LRP5: variants seen among roughly 807,000 people sequenced by gnomAD.
LRP5 encodes LDL receptor related protein 5.
LRP5 carries 62 observed loss-of-function variants against 154.1 expected under a neutral mutation model. That is an observed-to-expected ratio of 0.40 (90% CI 0.33 to 0.50). LRP5 has a LOEUF of 0.50. LRP5 is among the 20% of genes least tolerant of loss of function. LRP5 has a pLI of 0.55. For synonymous variants in LRP5, 966 were observed against 1,011.5 expected, an observed-to-expected ratio of 0.96 and a Z score of 0.85; for missense variants, 1,915 against 2,336.7, an observed-to-expected ratio of 0.82 and a Z score of 3.72.
intron 7 of LRP5, among the ~76,000 whole-genome samples, chr11:68,400,171 C>T (rs543674159): frequency 1.2e-3 from 177 of 152,214 alleles, no homozygotes; most frequent in African/African-American, 4.0e-3. Flanking sequence ...AACAGCCCGT[C>T]GCCTCCTCTC....
At chr11:68,332,073 C>T (rs372761223) in intron 1 of LRP5, among the ~76,000 whole-genome samples, 5 of 152,092 alleles carry the variant, frequency 3.3e-5, no homozygotes, top group South Asian at 2.1e-4. Context: ...TCTCCCCACC[C>T]GCCCCTGAAG....
At chr11:68,373,319 C>T (rs2098635405) in intron 5 of LRP5, among the ~76,000 whole-genome samples, 1 of 152,070 alleles carries the variant, frequency 6.6e-6, no homozygotes, top group Non-Finnish European at 1.5e-5. Flanking sequence ...ACACCGGGAC[C>T]CCAAGGGACA....
the LRP5 span, among the ~76,000 whole-genome samples, chr11:68,298,647 G>A: frequency 6.6e-6 from 1 of 152,200 alleles, no homozygotes; most frequent in Non-Finnish European, 1.5e-5. Flanking sequence ...TGCTGGCACA[G>A]TAGGAAGCCA....
intron 1 of LRP5, among the ~76,000 whole-genome samples, chr11:68,324,722 A>T (rs2098598654): frequency 6.6e-6 from 1 of 152,236 alleles, no homozygotes; most frequent in Admixed American, 6.5e-5. Context: ...GGCAGAGCAG[A>T]GGCTGGTGGG....
intron 2 of LRP5, among the ~76,000 whole-genome samples, chr11:68,354,357 G>A (rs571106536): frequency 1.3e-5 from 2 of 152,168 alleles, no homozygotes; most frequent in Admixed American, 6.5e-5. Context: ...TATGAAACTC[G>A]GGGAAGGAAT....
Position 68,425,206 on chromosome 11 carries a change from C to T in LRP5, c.3341C>T (p.Pro1114Leu). Residue 1114 changes from proline (P) to leucine (L), a missense_variant, in exon 15 of 23, where the codon CCT (proline) becomes CTT (leucine). Pro to Leu is a moderately conservative substitution (Grantham distance 98, BLOSUM62 -3). Coordinates refer to ENST00000294304, the MANE Select transcript of LRP5 (RefSeq NM_002335.4). ...CTCTTCACCACCGGCCTCATCCGCC[C>T]TGTGGCCCTGGTGGTGGACAACACA... ...EVLFTTGLIR[P>L]VALVVDNTLG... 6.2e-7 allele frequency: 1 copy of T among 1,613,532 alleles called. No individual in the cohort carries two copies. Among genetic ancestry groups the T allele is most frequent in the Non-Finnish European group, 8.5e-7 (1 of 1,179,988 alleles).
intron 5 of LRP5, among the ~76,000 whole-genome samples, chr11:68,380,538 C>T (rs1204492752): frequency 3.9e-5 from 6 of 152,218 alleles, no homozygotes; most frequent in East Asian, 1.9e-4. Flanking sequence ...CATTTGAGCG[C>T]GTTTCCTTCC....
In LRP5 at chr11:68,359,789, TG is replaced by T. The variant is rs1228196988; in HGVS notation, c.686+1943del. Among the ~76,000 whole-genome samples the T allele has an allele frequency of 1.1e-4, 17 of 150,804 alleles. No homozygotes were observed. The South Asian group carries it at 3.5e-3, about 31-fold the overall frequency. Reference sequence around the variant, plus strand: ...TGACCTCTTTTTTTGTTTGTTTGTTTGTTTTTTTTTTTTTTGGGATGGAGTC... The same window carrying T: ...TGACCTCTTTTTTTGTTTGTTTGTTTTTTTTTTTTTTTTTGGGATGGAGTC... On this transcript the variant is annotated intron_variant, in intron 3 of 22. Coordinates refer to ENST00000294304, the MANE Select transcript of LRP5 (RefSeq NM_002335.4).
intron 7 of LRP5, among the ~76,000 whole-genome samples, chr11:68,396,828 C>T (rs1003921088): frequency 6.6e-6 from 1 of 152,142 alleles, no homozygotes; most frequent in African/African-American, 2.4e-5. Flanking sequence ...CCTGCTGGGG[C>T]CCACCCAGGG....
chr11:68,360,959 T>A, intron 3 of LRP5, among the ~76,000 whole-genome samples: 1 of 113,508 alleles, frequency 8.8e-6, no homozygotes, highest in African/African-American at 3.4e-5. Flanking sequence ...ATCCCGCCAC[T>A]GCACTCCAGC....
At chr11:68,365,301 T>C (rs2098630345) in intron 4 of LRP5, among the ~76,000 whole-genome samples, 1 of 151,820 alleles carries the variant, frequency 6.6e-6, no homozygotes, top group Admixed American at 6.6e-5. Context: ...GCAGGTCACA[T>C]CTGGGTGTGA....
intron 5 of LRP5, among the ~76,000 whole-genome samples, chr11:68,368,700 G>A (rs78296728): frequency 0.1 from 15,654 of 152,112 alleles, 1,097 homozygotes; most frequent in Admixed American, 0.24. Context: ...AGCCCTCCCT[G>A]CGTTTTTCCT....
At chr11:68,376,168 C>T (rs1486095459) in intron 5 of LRP5, among the ~76,000 whole-genome samples, 3 of 126,404 alleles carry the variant, frequency 2.4e-5, no homozygotes, top group East Asian at 5.2e-4. Flanking sequence ...GCTGGCCCTG[C>T]TTCTTTTTTT....
In LRP5 at chr11:68,425,233, T is replaced by C. The variant is rs137928647; in HGVS notation, c.3368T>C (p.Leu1123Pro). ...GTGGCCCTGGTGGTGGACAACACAC[T>C]GGGCAAGCTGTTCTGGGTGGACGCG... is the stretch of plus-strand genomic sequence containing the variant. Reference protein sequence around the residue: ...RPVALVVDNTLGKLFWVDADL... With the variant: ...RPVALVVDNTPGKLFWVDADL... Residue 1123 changes from leucine (L) to proline (P), a missense_variant, in exon 15 of 23, where the codon CTG becomes CCG. Transcript: ENST00000294304. The C allele has an allele frequency of 6.2e-7, 1 of 1,612,566 alleles. No homozygotes were observed. Among genetic ancestry groups the C allele is most frequent in the Non-Finnish European group, 8.5e-7 (1 of 1,179,964 alleles).
intron 7 of LRP5, among the ~76,000 whole-genome samples, chr11:68,398,984 T>G (rs1184006733): frequency 6.6e-6 from 1 of 152,154 alleles, no homozygotes; most frequent in Admixed American, 6.5e-5. Flanking sequence ...CCCAAAGTGC[T>G]GGGATTACAG....
chr11:68,347,926 CGTG>C lies in LRP5; in HGVS notation c.174_176del (p.Val59del). On this transcript the variant is annotated inframe_deletion, in exon 2 of 23. Coordinates refer to ENST00000294304, the MANE Select transcript of LRP5 (RefSeq NM_002335.4). Reference sequence around the variant, plus strand: ...GCGGAGTCAAGCTGGAGTCCACCATCGTGGTCAGCGGCCTGGAGGATGCGGCCG... The same window carrying C: ...GCGGAGTCAAGCTGGAGTCCACCATCGTCAGCGGCCTGGAGGATGCGGCCG... 6.2e-7 allele frequency: 1 copy of C among 1,613,788 alleles called. No individual in the cohort carries two copies. Among genetic ancestry groups the C allele is most frequent in the Non-Finnish European group, 8.5e-7 (1 of 1,180,032 alleles).
rs1264407428 is a variant in LRP5, at chr11:68,390,016, G to T, written c.1548G>T (p.Lys516Asn). Residue 516 changes from lysine to asparagine, a missense_variant, in exon 7 of 23, where the codon AAG becomes AAT. Transcript: ENST00000294304. ...NGLALDLQEG[K>N]LYWGDAKTDK... ...TGGCCCTGGACCTGCAGGAGGGGAA[G>T]CTCTACTGGGGAGACGCCAAGACAG... The T allele has an allele frequency of 1.2e-6, 2 of 1,614,252 alleles. No individual in the cohort carries two copies. Among genetic ancestry groups the T allele is most frequent in the East Asian group, 4.5e-5 (2 of 44,892 alleles).
intron 1 of LRP5, among the ~76,000 whole-genome samples, chr11:68,343,193 C>T (rs556575185): frequency 1.5e-3 from 234 of 152,314 alleles, no homozygotes; most frequent in African/African-American, 5.5e-3. Context: ...GTGGTGGGGG[C>T]TCGCTGCCTC....
chr11:68,347,742 T>C, intron 1 of LRP5, 105 bp from the exon 2 acceptor site: 5 of 1,379,496 alleles, frequency 3.6e-6, no homozygotes, highest in Non-Finnish European at 5.1e-6. Flanking sequence ...GTCTTGGGCA[T>C]GGGCAGGGCA....
Sources: gnomAD v4.1 joint callset for allele counts (sites outside exome capture counted in the v4.1 genomes callset) on GRCh38, gnomAD v4.1.1 for gene constraint, MANE v1.5 for transcripts, NCBI Gene and HGNC (gene_info 2026-07-23, HGNC 2026-07-21) for gene names.